Variants in ADAMTS19 observed in about 807,000 individuals in gnomAD.
ADAMTS19 encodes the protein ADAM metallopeptidase with thrombospondin type 1 motif 19, also known as A disintegrin and metalloproteinase with thrombospondin motifs 19.
Under a neutral mutation model 153.3 loss-of-function variants are expected in ADAMTS19, and 93 were observed. The observed-to-expected ratio is 0.61, with a 90% CI of 0.51 to 0.72. The LOEUF is 0.72. Among genes scored for constraint, ADAMTS19 ranks in the 30% least tolerant of loss-of-function variants. The pLI, the probability that ADAMTS19 is intolerant of heterozygous loss-of-function variation, is 0.00. For synonymous variants in ADAMTS19, 600 were observed against 556.6 expected (o/e 1.08, Z -1.10); for missense variants, 1,482 against 1,552.1 (o/e 0.95, Z 0.76).
intron 6 of ADAMTS19, among the ~76,000 whole-genome samples, chr5:129,545,194 T>C (rs1191359813): frequency 6.6e-6 from 1 of 152,152 alleles, no homozygotes; most frequent in Non-Finnish European, 1.5e-5. Flanking sequence ...TAAGATGTTT[T>C]GGGGGAAAAC....
chr5:129,667,177 A>G (rs1456099100), intron 16 of ADAMTS19, among the ~76,000 whole-genome samples: 1 of 152,112 alleles, frequency 6.6e-6, no homozygotes, highest in Non-Finnish European at 1.5e-5. Flanking sequence ...ATTTCATTAA[A>G]CACTTATAGG....
At chr5:129,509,957 G>A (rs541860398) in intron 3 of ADAMTS19, among the ~76,000 whole-genome samples, 2 of 151,884 alleles carry the variant, frequency 1.3e-5, no homozygotes, top group African/African-American at 4.8e-5. Flanking sequence ...TACATAAGTA[G>A]GATCTGAAAG....
intron 21 of ADAMTS19, among the ~76,000 whole-genome samples, chr5:129,724,851 A>G (rs1757141249): frequency 1.3e-5 from 2 of 152,086 alleles, no homozygotes; most frequent in Admixed American, 6.5e-5. Flanking sequence ...CTAATCTTCT[A>G]TTATGCAGAT....
At chr5:129,688,678 T>C (rs1044789464) in intron 18 of ADAMTS19, among the ~76,000 whole-genome samples, 40 of 152,262 alleles carry the variant, frequency 2.6e-4, no homozygotes, top group African/African-American at 8.9e-4. Flanking sequence ...TTAACATACA[T>C]ATATAAGTTA....
chr5:129,648,711 A>G, intron 12 of ADAMTS19, 87 bp from the exon 13 acceptor site: 1 of 1,055,368 alleles, frequency 9.5e-7, no homozygotes, highest in Non-Finnish European at 1.4e-6. Context: ...AAGGGGTTAT[A>G]TATTATTAAT....
chr5:129,699,563 G>T (rs1755734178), intron 19 of ADAMTS19, among the ~76,000 whole-genome samples: 1 of 152,118 alleles, frequency 6.6e-6, no homozygotes, highest in South Asian at 2.1e-4. Context: ...AATTCATTAG[G>T]TAGCCTTTGA....
At chr5:129,644,742 C>T (rs982601377) in intron 11 of ADAMTS19, among the ~76,000 whole-genome samples, 6 of 152,192 alleles carry the variant, frequency 3.9e-5, no homozygotes, top group Non-Finnish European at 7.4e-5. Context: ...ATGTATTTTA[C>T]TTACAGTACT....
chr5:129,593,045 C>T (rs897326429), intron 7 of ADAMTS19, among the ~76,000 whole-genome samples: 8 of 152,024 alleles, frequency 5.3e-5, no homozygotes, highest in African/African-American at 1.4e-4. Context: ...ACATGATAGT[C>T]ATTGATTTCC....
intron 2 of ADAMTS19, among the ~76,000 whole-genome samples, chr5:129,506,370 T>C (rs1751268474): frequency 6.6e-6 from 1 of 152,132 alleles, no homozygotes; most frequent in Non-Finnish European, 1.5e-5. Context: ...AGTCACCACT[T>C]ATAATTATTC....
rs1419115076 is a variant in ADAMTS19, at chr5:129,548,090, A to C, written c.1329-3774A>C. Reference sequence around the variant, plus strand: ...AAAAAACCTAGAAGAAAACCTAGGCAATACCATTCAGGACATAGGCATGGG... The same window carrying C: ...AAAAAACCTAGAAGAAAACCTAGGCCATACCATTCAGGACATAGGCATGGG... On this transcript the variant is annotated intron_variant, in intron 6 of 22. Coordinates refer to ENST00000274487, the MANE Select transcript of ADAMTS19 (RefSeq NM_133638.6). Among the ~76,000 whole-genome samples the C allele has an allele frequency of 1.3e-5, 2 of 150,770 alleles. 1 individual carries two copies. The highest frequency in any genetic ancestry group is 5.0e-5 in the African/African-American group (2 of 40,064).
At chr5:129,691,001 A>G (rs1310132240) in intron 18 of ADAMTS19, among the ~76,000 whole-genome samples, 1 of 152,138 alleles carries the variant, frequency 6.6e-6, no homozygotes, top group Non-Finnish European at 1.5e-5. Context: ...TTCAGCATTT[A>G]CAATGCAAGT....
At chr5:129,603,575 T>C (rs1426141578) in intron 8 of ADAMTS19, among the ~76,000 whole-genome samples, 4 of 152,212 alleles carry the variant, frequency 2.6e-5, no homozygotes, top group Non-Finnish European at 4.4e-5. Flanking sequence ...TTAGGAAAAT[T>C]TAGCCTAAGT....
At chr5:129,656,600 G>A (rs1204562355) in intron 14 of ADAMTS19, among the ~76,000 whole-genome samples, 1 of 152,336 alleles carries the variant, frequency 6.6e-6, no homozygotes, top group East Asian at 1.9e-4. Flanking sequence ...TACCAGTCAC[G>A]AGGCATTGCC....
At chr5:129,619,842 G>A (rs1362974433) in intron 8 of ADAMTS19, among the ~76,000 whole-genome samples, 2 of 151,978 alleles carry the variant, frequency 1.3e-5, no homozygotes, top group East Asian at 3.9e-4. Context: ...AAACAAAATA[G>A]AGGCTATGTG....
intron 7 of ADAMTS19, among the ~76,000 whole-genome samples, chr5:129,557,801 A>G (rs1753364767): frequency 2.6e-5 from 4 of 152,168 alleles, no homozygotes; most frequent in Admixed American, 1.3e-4. Flanking sequence ...AAATAGAAAA[A>G]TGATAAGCCC....
chr5:129,592,089 A>G (rs1750163526), intron 7 of ADAMTS19, among the ~76,000 whole-genome samples: 1 of 152,060 alleles, frequency 6.6e-6, no homozygotes, highest in Admixed American at 6.6e-5. Flanking sequence ...TGTATTAAAA[A>G]AAATTGAGCT....
intron 20 of ADAMTS19, among the ~76,000 whole-genome samples, chr5:129,702,938 AAAAATATATATATAT>A (rs1178737487): frequency 6.6e-4 from 17 of 25,758 alleles, no homozygotes; most frequent in South Asian, 2.5e-3. Flanking sequence ...CCAAAAAAAA[AAAAATATATATATAT>A]ATATATATAT....
At chr5:129,519,500 T>C (rs1751720871) in intron 3 of ADAMTS19, among the ~76,000 whole-genome samples, 1 of 152,074 alleles carries the variant, frequency 6.6e-6, no homozygotes, top group African/African-American at 2.4e-5. Flanking sequence ...GTATATTGTG[T>C]GTACCTCCTA....
intron 13 of ADAMTS19, among the ~76,000 whole-genome samples, chr5:129,652,560 G>A (rs1753364618): frequency 2.0e-5 from 3 of 152,218 alleles, no homozygotes; most frequent in Admixed American, 6.5e-5. Context: ...AGTATGGCAT[G>A]TTACATGGAT....
Sources: allele counts gnomAD v4.1 joint callset (sites outside exome capture counted in the v4.1 genomes callset), GRCh38; gene constraint gnomAD v4.1.1; transcripts MANE v1.5; gene names NCBI Gene and HGNC (gene_info 2026-07-23, HGNC 2026-07-21).